SLC2A13: variants seen among roughly 807,000 people sequenced by gnomAD.
The protein encoded by SLC2A13 is solute carrier family 2 member 13.
A neutral mutation model predicts 64.4 loss-of-function variants in SLC2A13; 32 were observed. The observed-to-expected ratio is 0.50, with a 90% confidence interval of 0.37 to 0.67. SLC2A13 has a LOEUF of 0.67. Ranked by LOEUF, SLC2A13 falls within the 30% of genes least tolerant of loss-of-function variation. The pLI is 0.00. For missense variants in SLC2A13, 743 were observed against 829.2 expected (o/e 0.90, Z 1.28); for synonymous variants, 338 against 327.1 (o/e 1.03, Z -0.36).
At chr12:39,984,230 G>C (rs574490833) in intron 3 of SLC2A13, among the ~76,000 whole-genome samples, 23 of 151,982 alleles carry the variant, frequency 1.5e-4, no homozygotes, top group African/African-American at 5.5e-4. Flanking sequence ...CCTAATGCTA[G>C]ATGACGAGTT....
chr12:39,892,596 C>T (rs1944641848), intron 4 of SLC2A13, among the ~76,000 whole-genome samples: 1 of 152,124 alleles, frequency 6.6e-6, no homozygotes, highest in African/African-American at 2.4e-5. Context: ...GTGCATTAAA[C>T]AATAAACTTA....
At chr12:40,000,485 G>T (rs1477539318) in intron 3 of SLC2A13, among the ~76,000 whole-genome samples, 1 of 152,172 alleles carries the variant, frequency 6.6e-6, no homozygotes, top group Non-Finnish European at 1.5e-5. Flanking sequence ...AAGCACCTGG[G>T]ATCTCCATGT....
At chr12:39,815,458 G>A (rs1165683913) in intron 7 of SLC2A13, among the ~76,000 whole-genome samples, 2 of 152,146 alleles carry the variant, frequency 1.3e-5, no homozygotes, top group Non-Finnish European at 2.9e-5. Context: ...TCGTAGGCTG[G>A]AGCATTCTTT....
At chr12:39,798,584 T>C (rs1271989493) in intron 7 of SLC2A13, among the ~76,000 whole-genome samples, 2 of 152,200 alleles carry the variant, frequency 1.3e-5, no homozygotes, top group Non-Finnish European at 2.9e-5. Context: ...GTAAAGCAAG[T>C]GCTTCTGTCC....
intron 2 of SLC2A13, among the ~76,000 whole-genome samples, chr12:40,033,247 C>A (rs1947930213): frequency 1.3e-5 from 2 of 152,190 alleles, no homozygotes; most frequent in African/African-American, 2.4e-5. Flanking sequence ...ATTAACTGTT[C>A]AATAATTACT....
At chr12:39,865,170 C>T (rs182777720) in intron 5 of SLC2A13, among the ~76,000 whole-genome samples, 85 of 152,276 alleles carry the variant, frequency 5.6e-4, no homozygotes, top group African/African-American at 1.9e-3. Context: ...AAAGAAACCA[C>T]GCACACCTAG....
chr12:40,041,467 G>A (rs144349248), intron 2 of SLC2A13, among the ~76,000 whole-genome samples: 2 of 152,214 alleles, frequency 1.3e-5, no homozygotes, highest in East Asian at 1.9e-4. Context: ...CTGTTGTGAG[G>A]CTAAGTTATT....
chr12:39,894,827 A>G (rs1442387975), intron 4 of SLC2A13, among the ~76,000 whole-genome samples: 1 of 152,192 alleles, frequency 6.6e-6, no homozygotes, highest in Non-Finnish European at 1.5e-5. Flanking sequence ...AGATAAAGAG[A>G]GGGAAAGAAA....
intron 2 of SLC2A13, among the ~76,000 whole-genome samples, chr12:40,030,230 A>G (rs987033285): frequency 1.3e-5 from 2 of 152,348 alleles, no homozygotes; most frequent in African/African-American, 2.4e-5. Flanking sequence ...TATTCTAGAT[A>G]TAACTGGACC....
At chr12:39,768,097 C>A (rs1940428346) in intron 7 of SLC2A13, among the ~76,000 whole-genome samples, 3 of 152,114 alleles carry the variant, frequency 2.0e-5, no homozygotes, top group African/African-American at 7.2e-5. Context: ...TGCTGCCTCA[C>A]CTTGCAACAA....
intron 4 of SLC2A13, among the ~76,000 whole-genome samples, chr12:39,924,017 T>C (rs1945671108): frequency 6.6e-6 from 1 of 152,120 alleles, no homozygotes; most frequent in South Asian, 2.1e-4. Context: ...ACTCCAAAAT[T>C]ACTTGTATTG....
intron 3 of SLC2A13, among the ~76,000 whole-genome samples, chr12:39,989,958 T>G (rs1447380653): frequency 6.6e-6 from 1 of 152,176 alleles, no homozygotes. Context: ...ACACTTGGGT[T>G]TTTTGGCCAC....
Position 39,878,338 on chromosome 12 carries a change from G to T in SLC2A13, c.1035-6377C>A, listed in dbSNP as rs570590257. Among the ~76,000 whole-genome samples the T allele has an allele frequency of 8.5e-5, 13 of 152,330 alleles. No homozygotes were observed. In the South Asian group the frequency reaches 2.7e-3, roughly 32 times the overall value. On this transcript the variant is annotated intron_variant, in intron 4 of 9. Transcript: ENST00000280871. Reference sequence around the variant, plus strand: ...AGGGCTCAGAAGACAGGAAGATCAAGAAAAATTTGGAACTTTTAAGAGACC... The same window carrying T: ...AGGGCTCAGAAGACAGGAAGATCAATAAAAATTTGGAACTTTTAAGAGACC...
chr12:39,767,132 G>A (rs942196828), intron 7 of SLC2A13, among the ~76,000 whole-genome samples: 1 of 152,002 alleles, frequency 6.6e-6, no homozygotes, highest in Non-Finnish European at 1.5e-5. Context: ...CTTATGAAAT[G>A]CATTTTTTAA....
At chr12:39,861,534 C>T (rs978146361) in intron 6 of SLC2A13, among the ~76,000 whole-genome samples, 3 of 152,008 alleles carry the variant, frequency 2.0e-5, no homozygotes, top group Admixed American at 1.3e-4. Context: ...TTGAGGGAAG[C>T]GTACATAGGA....
chr12:39,902,099 A>T (rs1416193381), intron 4 of SLC2A13, among the ~76,000 whole-genome samples: 2 of 151,114 alleles, frequency 1.3e-5, no homozygotes, highest in Non-Finnish European at 2.9e-5. Flanking sequence ...AGGACAAAAA[A>T]CCAAACACCG....
rs530617941 is a variant in SLC2A13, at chr12:39,911,918, G to A, written c.1034+39339C>T. Reference sequence around the variant, plus strand: ...CAGATGGACAGTATGGTTTGTTTATGTAGTAATCATTATGAGAGCTCCCTG... The same window carrying A: ...CAGATGGACAGTATGGTTTGTTTATATAGTAATCATTATGAGAGCTCCCTG... On this transcript the variant is annotated intron_variant, in intron 4 of 9. Coordinates refer to ENST00000280871, the MANE Select transcript of SLC2A13 (RefSeq NM_052885.4). Among the ~76,000 whole-genome samples, 24 of 152,124 alleles carry A rather than the reference G, an allele frequency of 1.6e-4. No homozygotes were observed. In the South Asian group the frequency reaches 3.5e-3, roughly 22 times the overall value.
chr12:40,104,352 A>G (rs1476873913), intron 1 of SLC2A13, among the ~76,000 whole-genome samples: 1 of 152,174 alleles, frequency 6.6e-6, no homozygotes, highest in Non-Finnish European at 1.5e-5. Context: ...CTCTGCCAAA[A>G]ACTTGCCAAT....
intron 3 of SLC2A13, among the ~76,000 whole-genome samples, chr12:39,980,382 T>C (rs1198017107): frequency 6.6e-6 from 1 of 151,856 alleles, no homozygotes; most frequent in Non-Finnish European, 1.5e-5. Context: ...GACTGGCAAG[T>C]TGGATAAAGA....
Sources: allele counts gnomAD v4.1 joint callset (sites outside exome capture counted in the v4.1 genomes callset), GRCh38; gene constraint gnomAD v4.1.1; transcripts MANE v1.5; gene names NCBI Gene and HGNC (gene_info 2026-07-23, HGNC 2026-07-21).